The following SP3 variants were observed in gnomAD, a reference collection of about 807,000 sequenced individuals.
SP3 encodes the protein Sp3 transcription factor, also known as transcription factor Sp3.
A neutral mutation model predicts 70.3 loss-of-function variants in SP3; 10 were observed. The observed-to-expected ratio is 0.14, with a 90% CI of 0.09 to 0.24. The LOEUF (loss-of-function observed/expected upper bound fraction) is 0.24, where lower values mean the gene tolerates loss of function less well. Ranked by LOEUF, SP3 falls within the 10% of genes least tolerant of loss-of-function variation. The pLI, the probability that SP3 is intolerant of heterozygous loss-of-function variation, is 1.00. For missense variants in SP3, 825 were observed against 914.6 expected, an observed-to-expected ratio of 0.90 and a Z score of 1.26; for synonymous variants, 402 against 333.5, an observed-to-expected ratio of 1.21 and a Z score of -2.24.
In SP3 at chr2:173,908,513, A is replaced by G. The variant is rs1377354884; in HGVS notation, c.*1428T>C. On this transcript the variant is annotated 3_prime_UTR_variant, in exon 7 of 7. Transcript: ENST00000310015. ...CATACCACTGCAATATTTTTTATGC[A>G]TAGGAATACAACAAACTCAAAAGAA... The G allele has an allele frequency of 6.6e-6, 1 of 152,474 alleles. No individual in the cohort carries two copies. Among genetic ancestry groups the G allele is most frequent in the Non-Finnish European group, 1.5e-5 (1 of 67,912 alleles). 9.4% of individuals were successfully genotyped at this position (152,474 alleles called of 1,614,324 possible). A position where few individuals can be genotyped will look rare whatever the true frequency, so the allele number is the denominator to read the frequency against.
intron 4 of SP3, among the ~76,000 whole-genome samples, chr2:173,941,919 A>C (rs1038833559): frequency 6.6e-6 from 1 of 152,190 alleles, no homozygotes; most frequent in African/African-American, 2.4e-5. Flanking sequence ...CACAGTAAGT[A>C]GTTTTTAGTC....
rs1383025870 is a variant in SP3, at chr2:173,965,192, G to A, written c.-21C>T. ...GTCATAGTGTGTTTAGGGCACCTCA[G>A]GCGGGGCTCCCCGCCGCCTTACACA... On this transcript the variant is annotated 5_prime_UTR_variant, in exon 1 of 7. Coordinates refer to ENST00000310015, the MANE Select transcript of SP3 (RefSeq NM_003111.5). 1.2e-5 allele frequency: 19 copies of A among 1,547,042 alleles called. No homozygotes were observed. The highest frequency in any genetic ancestry group is 3.9e-5 in the Admixed American group (2 of 50,764).
rs1689423176 is a variant in SP3, at chr2:173,909,683, ATT to A, written c.*256_*257del. 1 of 310,004 alleles carries A rather than the reference ATT, an allele frequency of 3.2e-6. No homozygotes were observed. The highest frequency in any genetic ancestry group is 2.2e-5 in the African/African-American group (1 of 45,032). 19.2% of individuals were successfully genotyped at this position (310,004 alleles called of 1,614,324 possible). A position where few individuals can be genotyped will look rare whatever the true frequency, so the allele number is the denominator to read the frequency against. On this transcript the variant is annotated 3_prime_UTR_variant, in exon 7 of 7. Transcript: ENST00000310015. The stretch of plus-strand genomic sequence containing the variant: ...ACTACCATTCGCATTGTTAAATTCA[ATT>A]TTCTCTTTATATAACTTGGTAAAAT...
chr2:173,957,269 T>C (rs986011107), intron 3 of SP3, among the ~76,000 whole-genome samples: 1 of 151,996 alleles, frequency 6.6e-6, no homozygotes, highest in Non-Finnish European at 1.5e-5. Flanking sequence ...ACCCATGACA[T>C]ACAATCCCAA....
intron 5 of SP3, among the ~76,000 whole-genome samples, chr2:173,917,989 T>C (rs940590152): frequency 6.6e-6 from 1 of 151,086 alleles, no homozygotes; most frequent in Non-Finnish European, 1.5e-5. Context: ...GTCTGGATCT[T>C]GTTTTTTTTT....
chr2:173,918,748 C>T lies in SP3; in HGVS notation c.1677G>A (p.Glu559=). 1 of 1,613,284 alleles carries T rather than the reference C, an allele frequency of 6.2e-7. No individual in the cohort carries two copies. Among genetic ancestry groups the T allele is most frequent in the Non-Finnish European group, 8.5e-7 (1 of 1,179,520 alleles). ...RIKEEEPDPE[E]WQLSGDSTLN... is the part of the protein sequence containing the mutation. ...AGGTAGAATCACCACTGAGCTGCCA[C>T]TCTTCAGGATCAGGTTCTTCTTCCT... The change falls in exon 5 of 7, where the codon GAG becomes GAA. Residue 559 remains glutamate (E), a synonymous_variant. Coordinates refer to ENST00000310015, the MANE Select transcript of SP3 (RefSeq NM_003111.5).
At chr2:173,961,559 G>A (rs1574428970) in intron 3 of SP3, among the ~76,000 whole-genome samples, 1 of 152,130 alleles carries the variant, frequency 6.6e-6, no homozygotes, top group South Asian at 2.1e-4. Context: ...GTCTTAATTT[G>A]GACAAATGTA....
At position 173,910,068 on chromosome 2, in the gene SP3, A is replaced by G. The variant is rs1256831937; in HGVS notation, c.2219T>C (p.Ile740Thr). 6.2e-7 allele frequency: 1 copy of G among 1,612,706 alleles called. No homozygotes were observed. Among genetic ancestry groups the G allele is most frequent in the Non-Finnish European group, 8.5e-7 (1 of 1,179,516 alleles). Reference protein sequence around the residue: ...AGGTTLILANIQQGSVSGIGT... With the variant: ...AGGTTLILANTQQGSVSGIGT... ...TATCCCTGAAACAGAACCTTGTTGA[A>G]TATTTGCAAGGATAAGCGTTGTTCC... is the stretch of plus-strand genomic sequence containing the variant. Residue 740 changes from isoleucine to threonine, a missense_variant, in exon 7 of 7, where the codon ATT becomes ACT. Physicochemically the swap from Ile to Thr is moderately conservative, Grantham distance 89. This residue lies in a region of SP3 where 91 missense variants were observed against 97.4 expected (regional missense o/e 0.93). Coordinates refer to ENST00000310015, the MANE Select transcript of SP3 (RefSeq NM_003111.5).
intron 4 of SP3, among the ~76,000 whole-genome samples, chr2:173,937,764 T>C (rs1360228724): frequency 1.3e-5 from 2 of 152,174 alleles, no homozygotes; most frequent in Non-Finnish European, 2.9e-5. Context: ...CAAACTCCCA[T>C]GTACCCAACA....
chr2:173,964,599 G>A (rs1370588822), intron 1 of SP3, 46 bp from the exon 2 acceptor site: 2 of 652,682 alleles, frequency 3.1e-6, no homozygotes, highest in Non-Finnish European at 5.7e-6. Flanking sequence ...GAAGGCGGGT[G>A]GCGGAGAGGG....
intron 3 of SP3, among the ~76,000 whole-genome samples, chr2:173,957,593 G>C (rs1690937040): frequency 6.6e-6 from 1 of 152,106 alleles, no homozygotes; most frequent in Non-Finnish European, 1.5e-5. Context: ...ATGGGGAACA[G>C]GACTAGATAT....
At position 173,909,741 on chromosome 2, in the gene SP3, C is replaced by T. The variant is rs1689424558; in HGVS notation, c.*200G>A. On this transcript the variant is annotated 3_prime_UTR_variant, in exon 7 of 7. Transcript: ENST00000310015. ...TTCTTCTAGATTCCAAAAGTACCTA[C>T]AAAACCCATGCAATTTTACCATTTT... is the stretch of plus-strand genomic sequence containing the variant. 2 of 457,218 alleles carry T rather than the reference C, an allele frequency of 4.4e-6. No homozygotes were observed. Among genetic ancestry groups the T allele is most frequent in the Non-Finnish European group, 7.8e-6 (2 of 257,122 alleles). 28.3% of individuals were successfully genotyped at this position (457,218 alleles called of 1,614,324 possible). A position where few individuals can be genotyped will look rare whatever the true frequency, so the allele number is the denominator to read the frequency against.
At chr2:173,933,904 C>T (rs547098894) in intron 4 of SP3, among the ~76,000 whole-genome samples, 4 of 151,690 alleles carry the variant, frequency 2.6e-5, no homozygotes, top group South Asian at 4.2e-4. Flanking sequence ...TGCCCTTCAA[C>T]GAAATTCCTG....
At chr2:173,919,703 C>G (rs72911146) in intron 4 of SP3, among the ~76,000 whole-genome samples, 2 of 151,986 alleles carry the variant, frequency 1.3e-5, no homozygotes, top group Non-Finnish European at 2.9e-5. Flanking sequence ...TAAAACAGAC[C>G]GTACAGACTG....
Position 173,955,678 on chromosome 2 carries a change from T to C in SP3, c.834A>G (p.Gly278=), listed in dbSNP as rs1205217637. Residue 278 remains glycine (G), a synonymous_variant, in exon 4 of 7, where the codon GGA becomes GGG. Coordinates refer to ENST00000310015, the MANE Select transcript of SP3 (RefSeq NM_003111.5). ...TCATTGTCTGAGAACTGCCCGAGAG[T>C]CCCAAAGAATCTAGATCGACACTAT... is the stretch of plus-strand genomic sequence containing the variant. ...PINSVDLDSL[G]LSGSSQTMTA... The C allele has an allele frequency of 3.1e-6, 5 of 1,613,962 alleles. No homozygotes were observed. Among genetic ancestry groups the C allele is most frequent in the Non-Finnish European group, 4.2e-6 (5 of 1,179,988 alleles).
intron 5 of SP3, 76 bp from the exon 6 acceptor site, chr2:173,913,342 C>G: frequency 9.3e-7 from 1 of 1,073,732 alleles, no homozygotes; most frequent in Non-Finnish European, 1.2e-6. Flanking sequence ...ATCATATATC[C>G]CCATGTTGAA....
intron 4 of SP3, among the ~76,000 whole-genome samples, chr2:173,935,819 TC>T (rs1361521167): frequency 3.3e-5 from 5 of 150,836 alleles, no homozygotes; most frequent in Non-Finnish European, 7.4e-5. Context: ...AGATCAGTTT[TC>T]CCCTCACAAA....
intron 5 of SP3, chr2:173,915,108 A>G (rs747969134): frequency 6.6e-6 from 1 of 152,200 alleles, no homozygotes; most frequent in Non-Finnish European, 1.5e-5. Flanking sequence ...AACAAAGCAC[A>G]AGACTAACAA....
intron 2 of SP3, 116 bp from the exon 3 acceptor site, chr2:173,963,999 G>A (rs895252717): frequency 3.6e-6 from 2 of 559,636 alleles, no homozygotes; most frequent in Non-Finnish European, 5.7e-6. Context: ...GCCCGGGCAA[G>A]CGCCAGCCCG....
Sources: allele counts gnomAD v4.1 joint callset (sites outside exome capture counted in the v4.1 genomes callset), GRCh38; gene constraint gnomAD v4.1.1; regional missense constraint gnomAD v4.1.1; transcripts MANE v1.5; gene names NCBI Gene and HGNC (gene_info 2026-07-23, HGNC 2026-07-21).